AVEN: variants seen among roughly 807,000 people sequenced by gnomAD.
The protein encoded by AVEN is apoptosis and caspase activation inhibitor.
Under a neutral mutation model 38.1 loss-of-function variants are expected in AVEN, and 41 were observed. The observed-to-expected ratio is 1.08, with a 90% CI of 0.84 to 1.40. The LOEUF is 1.40. AVEN is among the 40% of genes most tolerant of loss of function. The pLI is 0.00. For synonymous variants in AVEN, 206 were observed against 171.8 expected (o/e 1.20, Z -1.56); for missense variants, 605 against 438.8 (o/e 1.38, Z -3.38).
At chr15:33,857,775 C>A, downstream of AVEN, 1 of 1,613,962 alleles carries the variant, frequency 6.2e-7, no homozygotes, top group Non-Finnish European at 8.5e-7. Flanking sequence ...TCCTCTCATT[C>A]CCAGTTGGTT....
chr15:33,984,216 G>C (rs1158867341), intron 2 of AVEN, among the ~76,000 whole-genome samples: 1 of 151,892 alleles, frequency 6.6e-6, no homozygotes, highest in Non-Finnish European at 1.5e-5. Context: ...AGGGAAGCTG[G>C]GTAGAAAGTA....
At chr15:33,927,656 T>C (rs752428003) in intron 2 of AVEN, among the ~76,000 whole-genome samples, 1 of 152,172 alleles carries the variant, frequency 6.6e-6, no homozygotes, top group South Asian at 2.1e-4. Context: ...CATGGTCACA[T>C]GTTTCTGTAG....
Position 33,920,503 on chromosome 15 carries a change from T to C in AVEN, c.446-44508A>G, listed in dbSNP as rs546722280. Among the ~76,000 whole-genome samples, 6 of 152,358 alleles carry C rather than the reference T, an allele frequency of 3.9e-5. 1 individual carries two copies. Among genetic ancestry groups the C allele is most frequent in the Admixed American group, 3.9e-4 (6 of 15,308 alleles). The stretch of plus-strand genomic sequence containing the variant: ...GTCAATATCACGGTATTCCTTTTGA[T>C]AGCAGTCTCATTCCTAAATCTGACT... On this transcript the variant is annotated intron_variant, in intron 2 of 5. Transcript: ENST00000306730.
At position 34,005,417 on chromosome 15, in the gene AVEN, T is replaced by C. The variant is rs567690126; in HGVS notation, c.268-2208A>G. 7.3e-5 allele frequency among the ~76,000 whole-genome samples: 11 copies of C among 149,684 alleles called. No homozygotes were observed. In the East Asian group the frequency reaches 1.2e-3, roughly 16 times the overall value. ...CAGGCTAGGTCTGTTTGCTTCCTCA[T>C]GGTATTATTTACAGATTTTTTTTAT... On this transcript the variant is annotated intron_variant, in intron 1 of 5. Transcript: ENST00000306730.
rs1462626350 is a variant in AVEN, at chr15:34,038,924, TCCG to T, written c.120_122del (p.Gly45del). The stretch of plus-strand genomic sequence containing the variant: ...GTCCGCCTCCGTCCCCGCCGCCGCC[TCCG>T]CCGCCGCCTCTGGCTACCGCCGCTG... On this transcript the variant is annotated inframe_deletion, in exon 1 of 6. Coordinates refer to ENST00000306730, the MANE Select transcript of AVEN (RefSeq NM_020371.3). 1.4e-6 allele frequency: 1 copy of T among 718,276 alleles called. No individual in the cohort carries two copies. Among genetic ancestry groups the T allele is most frequent in the South Asian group, 5.1e-5 (1 of 19,504 alleles). The allele number at this position is 718,276 out of a possible 1,614,324, so 44.5% of individuals were successfully genotyped here. A position where few individuals can be genotyped will look rare whatever the true frequency, so the allele number is the denominator to read the frequency against.
At chr15:34,043,606 G>A (rs1208172405), upstream of AVEN, among the ~76,000 whole-genome samples, 1 of 152,154 alleles carries the variant, frequency 6.6e-6, no homozygotes, top group Non-Finnish European at 1.5e-5. Flanking sequence ...CCTGTACTCT[G>A]GTGGAGAAAA....
At chr15:33,858,567 T>TCATCGTCTCTCAGAACAGAGCAAAGTCC (rs2049378874), downstream of AVEN, 1 of 149,732 alleles carries the variant, frequency 6.7e-6, no homozygotes, top group African/African-American at 2.5e-5. Flanking sequence ...TGAGCTTTGA[T>TCATCGTCTCTCAGAACAGAGCAAAGTCC]CATCGTCTCT....
intron 5 of AVEN, among the ~76,000 whole-genome samples, chr15:34,061,988 C>G (rs187317421): frequency 4.3e-4 from 65 of 152,280 alleles, no homozygotes; most frequent in African/African-American, 1.5e-3. Flanking sequence ...CCCTTATGAT[C>G]ATTGCAATCT....
intron 2 of AVEN, among the ~76,000 whole-genome samples, chr15:33,957,794 A>C (rs191481397): frequency 3.9e-5 from 6 of 152,200 alleles, no homozygotes; most frequent in Admixed American, 1.3e-4. Context: ...TAGGCAAACT[A>C]ATCACAGTGC....
chr15:33,965,096 T>G (rs1895336147), intron 2 of AVEN, among the ~76,000 whole-genome samples: 1 of 152,164 alleles, frequency 6.6e-6, no homozygotes, highest in Non-Finnish European at 1.5e-5. Flanking sequence ...CTGTTAAAAA[T>G]TATGCATTAT....
chr15:33,873,441 G>A (rs1489647923), intron 3 of AVEN, among the ~76,000 whole-genome samples: 2 of 148,588 alleles, frequency 1.3e-5, no homozygotes, highest in Non-Finnish European at 3.0e-5. Context: ...TGAGGACATG[G>A]GATGGTATAA....
chr15:33,911,041 GTTCTAAAAAACTAAAC>G (rs1892897248), intron 2 of AVEN, among the ~76,000 whole-genome samples: 1 of 152,214 alleles, frequency 6.6e-6, no homozygotes, highest in Non-Finnish European at 1.5e-5. Context: ...AGTGAGGACA[GTTCTAAAAAACTAAAC>G]TGCATAGAAG....
chr15:33,854,733 C>G, downstream of AVEN: 4 of 1,577,756 alleles, frequency 2.5e-6, no homozygotes, highest in South Asian at 4.8e-5. Flanking sequence ...ATGAGGCAAA[C>G]ATGCTTAAAA....
At chr15:33,970,809 C>T (rs1895604952) in intron 2 of AVEN, among the ~76,000 whole-genome samples, 1 of 151,888 alleles carries the variant, frequency 6.6e-6, no homozygotes, top group African/African-American at 2.4e-5. Context: ...TAAACAGAGA[C>T]TCATATCCCA....
intron 2 of AVEN, among the ~76,000 whole-genome samples, chr15:33,896,920 A>C (rs1447219337): frequency 6.6e-6 from 1 of 152,198 alleles, no homozygotes; most frequent in African/African-American, 2.4e-5. Flanking sequence ...TCATTAATCC[A>C]TCTGCAGGAC....
chr15:33,858,587 G>C (rs117208495), downstream of AVEN: 2,209 of 153,382 alleles, frequency 0.014, 26 homozygotes, highest in South Asian at 0.041. Context: ...TCAGAACAGA[G>C]AGCAAAGTCC....
At chr15:33,884,636 A>T (rs1273592124) in intron 2 of AVEN, among the ~76,000 whole-genome samples, 1 of 152,016 alleles carries the variant, frequency 6.6e-6, no homozygotes, top group Non-Finnish European at 1.5e-5. Context: ...GTCATAGATA[A>T]TACAGCTGCC....
chr15:34,035,595 G>A lies in AVEN; in HGVS notation c.267+3185C>T, dbSNP rs561759446. Reference sequence around the variant, plus strand: ...TCTCCTAACTGTGAGTTATTTAACGGTGCCTCAGCTGTCTCATCTTATATT... The same window carrying A: ...TCTCCTAACTGTGAGTTATTTAACGATGCCTCAGCTGTCTCATCTTATATT... On this transcript the variant is annotated intron_variant, in intron 1 of 5. Transcript: ENST00000306730. Among the ~76,000 whole-genome samples the A allele has an allele frequency of 8.5e-5, 13 of 152,166 alleles. No homozygotes were observed. In the East Asian group the frequency reaches 1.3e-3, roughly 16 times the overall value.
downstream of AVEN, chr15:33,854,841 C>G: frequency 3.7e-6 from 6 of 1,613,848 alleles, no homozygotes; most frequent in Non-Finnish European, 5.1e-6. Context: ...TGCTGCTCAC[C>G]TATTGGACAT....
Sources: allele counts gnomAD v4.1 joint callset (sites outside exome capture counted in the v4.1 genomes callset), GRCh38; gene constraint gnomAD v4.1.1; transcripts MANE v1.5; gene names NCBI Gene and HGNC (gene_info 2026-07-23, HGNC 2026-07-21).